Variants in GALNTL6 observed in about 807,000 individuals in gnomAD.
The protein encoded by GALNTL6 is polypeptide N-acetylgalactosaminyltransferase like 6.
Under a neutral mutation model 73.7 loss-of-function variants are expected in GALNTL6, and 46 were observed. The ratio of observed to expected loss-of-function variants is 0.62; its 90% confidence interval spans 0.49 to 0.80. GALNTL6 has a LOEUF of 0.80. Among genes scored for constraint, GALNTL6 ranks in the 30% least tolerant of loss-of-function variants. The probability of loss-of-function intolerance (pLI) is 0.00; values close to 1 mark genes in which losing one functional copy is unlikely to be tolerated. For synonymous variants in GALNTL6, 259 were observed against 263.7 expected, an observed-to-expected ratio of 0.98 and a Z score of 0.17; for missense variants, 604 against 755.0, an observed-to-expected ratio of 0.80 and a Z score of 2.34.
At chr4:172,198,313 G>C (rs1292868939) in intron 2 of GALNTL6, among the ~76,000 whole-genome samples, 2 of 151,300 alleles carry the variant, frequency 1.3e-5, no homozygotes, top group Admixed American at 6.6e-5. Flanking sequence ...CCTATCATCA[G>C]CGCAAACAGA....
intron 2 of GALNTL6, among the ~76,000 whole-genome samples, chr4:172,225,306 T>C (rs1173567042): frequency 6.6e-6 from 1 of 151,942 alleles, no homozygotes; most frequent in Non-Finnish European, 1.5e-5. Flanking sequence ...TGCGCTGAGA[T>C]TGATTTAGAT....
rs1733423742 is a variant in GALNTL6 at position 172,480,762 on chromosome 4, G to A, written c.553+132073G>A. 2.0e-5 allele frequency among the ~76,000 whole-genome samples: 3 copies of A among 152,160 alleles called. No individual in the cohort carries two copies. The South Asian group carries it at 6.2e-4, about 32-fold the overall frequency. On this transcript the variant is annotated intron_variant, in intron 5 of 12. Transcript: ENST00000506823. ...CAGATGTGGATTAGGCAGGCAACTT[G>A]CTGAGTTGGTTGACTCTATCACATG...
At chr4:172,277,627 A>C (rs1738884415) in intron 3 of GALNTL6, among the ~76,000 whole-genome samples, 1 of 152,162 alleles carries the variant, frequency 6.6e-6, no homozygotes, top group South Asian at 2.1e-4. Context: ...AATTCAGCCA[A>C]GTCTCTTTGC....
intron 5 of GALNTL6, among the ~76,000 whole-genome samples, chr4:172,708,885 G>A (rs1484716940): frequency 6.6e-6 from 1 of 151,932 alleles, no homozygotes; most frequent in African/African-American, 2.4e-5. Context: ...TCTTTATTGT[G>A]CATTTGTTAT....
At chr4:172,391,719 A>C (rs1426930357) in intron 5 of GALNTL6, among the ~76,000 whole-genome samples, 3 of 152,140 alleles carry the variant, frequency 2.0e-5, no homozygotes, top group Non-Finnish European at 2.9e-5. Flanking sequence ...AAGATGACAA[A>C]CATAATTTCT....
intron 2 of GALNTL6, among the ~76,000 whole-genome samples, chr4:171,983,154 C>T (rs554193667): frequency 1.1e-4 from 16 of 152,242 alleles, no homozygotes; most frequent in South Asian, 6.2e-4. Context: ...TAGTTTTAGG[C>T]CTGCCTTAGT....
At chr4:172,616,926 A>G (rs529022670) in intron 5 of GALNTL6, among the ~76,000 whole-genome samples, 2 of 152,224 alleles carry the variant, frequency 1.3e-5, no homozygotes, top group Admixed American at 6.5e-5. Context: ...TCCCCTTTCC[A>G]AGAGTCTAGA....
intron 9 of GALNTL6, among the ~76,000 whole-genome samples, chr4:172,944,117 A>G (rs1023119986): frequency 3.3e-5 from 5 of 152,212 alleles, no homozygotes; most frequent in African/African-American, 1.2e-4. Context: ...ATAGAAAAAA[A>G]TTGACAAATT....
chr4:172,159,841 G>A (rs1560947278), intron 2 of GALNTL6, among the ~76,000 whole-genome samples: 2 of 152,154 alleles, frequency 1.3e-5, no homozygotes. Flanking sequence ...TTGGAGGAAG[G>A]AAAGACAACA....
intron 2 of GALNTL6, among the ~76,000 whole-genome samples, chr4:171,915,162 C>A (rs1478139784): frequency 2.0e-5 from 3 of 151,776 alleles, no homozygotes; most frequent in Non-Finnish European, 4.4e-5. Flanking sequence ...ATCTTCTTAC[C>A]CTTTACTGTA....
At chr4:172,992,336 C>A (rs772016569) in intron 10 of GALNTL6, among the ~76,000 whole-genome samples, 1 of 152,156 alleles carries the variant, frequency 6.6e-6, no homozygotes, top group Non-Finnish European at 1.5e-5. Flanking sequence ...AACTTTAAAG[C>A]CTCTAGTAAA....
intron 2 of GALNTL6, among the ~76,000 whole-genome samples, chr4:171,963,980 G>A (rs1465400414): frequency 2.0e-5 from 3 of 152,112 alleles, no homozygotes; most frequent in Admixed American, 2.0e-4. Context: ...TTCCTCCAAG[G>A]CAAAGGAAGG....
intron 5 of GALNTL6, among the ~76,000 whole-genome samples, chr4:172,584,680 T>C (rs967617323): frequency 2.0e-5 from 3 of 152,168 alleles, no homozygotes; most frequent in Non-Finnish European, 2.9e-5. Context: ...ATAGTGAAAC[T>C]GATTTGGGAG....
At chr4:172,895,632 TTTC>T (rs569752424) in intron 8 of GALNTL6, among the ~76,000 whole-genome samples, 61 of 152,248 alleles carry the variant, frequency 4.0e-4, no homozygotes, top group African/African-American at 1.4e-3. Context: ...GACTTTTCAC[TTTC>T]TTCTGTGTGG....
intron 5 of GALNTL6, among the ~76,000 whole-genome samples, chr4:172,355,732 A>G (rs1742125599): frequency 6.6e-6 from 1 of 152,270 alleles, no homozygotes; most frequent in African/African-American, 2.4e-5. Context: ...ACATTTTTTA[A>G]GCATTTCATT....
chr4:172,271,446 CAT>C (rs764830216), intron 3 of GALNTL6, among the ~76,000 whole-genome samples: 5 of 151,874 alleles, frequency 3.3e-5, no homozygotes, highest in East Asian at 1.9e-4. Context: ...CATATACATA[CAT>C]ATATATATAG....
intron 2 of GALNTL6, among the ~76,000 whole-genome samples, chr4:172,128,836 G>T (rs535816759): frequency 1.3e-5 from 2 of 152,240 alleles, no homozygotes; most frequent in East Asian, 3.9e-4. Context: ...AAAAATATTT[G>T]CAGGCTTTTT....
At chr4:172,764,946 G>A (rs1449414045) in intron 5 of GALNTL6, among the ~76,000 whole-genome samples, 1 of 152,228 alleles carries the variant, frequency 6.6e-6, no homozygotes, top group African/African-American at 2.4e-5. Flanking sequence ...TGTGAAGAGA[G>A]TGTTCAGTTT....
chr4:172,400,776 G>C (rs868705739), intron 5 of GALNTL6, among the ~76,000 whole-genome samples: 1 of 152,092 alleles, frequency 6.6e-6, no homozygotes, highest in African/African-American at 2.4e-5. Flanking sequence ...CCCAGCATGA[G>C]GGATTCTGAC....
Sources: gnomAD v4.1 joint callset for allele counts (sites outside exome capture counted in the v4.1 genomes callset) on GRCh38, gnomAD v4.1.1 for gene constraint, MANE v1.5 for transcripts, NCBI Gene and HGNC (gene_info 2026-07-23, HGNC 2026-07-21) for gene names.